Variants in NRXN1 observed in about 807,000 individuals in gnomAD.
NRXN1 encodes the protein neurexin 1.
NRXN1 carries 39 observed loss-of-function variants against 150.9 expected under a neutral mutation model. The observed-to-expected ratio is 0.26, with a 90% CI of 0.20 to 0.34. The LOEUF (loss-of-function observed/expected upper bound fraction) is 0.34, where lower values mean the gene tolerates loss of function less well. Ranked by LOEUF, NRXN1 falls within the 10% of genes least tolerant of loss-of-function variation. The probability of loss-of-function intolerance (pLI) is 1.00; values close to 1 mark genes in which losing one functional copy is unlikely to be tolerated. For missense variants in NRXN1, 1,815 were observed against 1,949.9 expected (o/e 0.93, Z 1.30); for synonymous variants, 924 against 757.0 (o/e 1.22, Z -3.62).
chr2:49,974,130 A>C (rs1269128644), intron 21 of NRXN1: 2 of 715,242 alleles, frequency 2.8e-6, no homozygotes, highest in Non-Finnish European at 5.2e-6. Flanking sequence ...GGAGATCAAG[A>C]TGATAAATTG....
At chr2:50,323,187 A>T (rs187273753) in intron 17 of NRXN1, among the ~76,000 whole-genome samples, 3 of 152,316 alleles carry the variant, frequency 2.0e-5, no homozygotes, top group South Asian at 2.1e-4. Flanking sequence ...ACATTATAAT[A>T]GTAGCTCTAA....
intron 17 of NRXN1, among the ~76,000 whole-genome samples, chr2:50,329,313 G>C (rs572823120): frequency 1.3e-5 from 2 of 151,736 alleles, no homozygotes; most frequent in Non-Finnish European, 2.9e-5. Flanking sequence ...ATGTTCAAAC[G>C]CAGTAGAAGT....
At chr2:50,100,483 G>C (rs1700840783) in intron 18 of NRXN1, among the ~76,000 whole-genome samples, 1 of 152,062 alleles carries the variant, frequency 6.6e-6, no homozygotes, top group Admixed American at 6.6e-5. Context: ...CTTTGAATGG[G>C]GTAATAATCT....
At chr2:50,074,341 T>G (rs1696741437) in intron 19 of NRXN1, among the ~76,000 whole-genome samples, 1 of 152,096 alleles carries the variant, frequency 6.6e-6, no homozygotes, top group Non-Finnish European at 1.5e-5. Context: ...CTTTCTTAAA[T>G]ATGTAAAATA....
chr2:50,854,256 T>C (rs916781938), intron 5 of NRXN1, among the ~76,000 whole-genome samples: 5 of 152,074 alleles, frequency 3.3e-5, no homozygotes, highest in African/African-American at 1.2e-4. Flanking sequence ...TTATCAGAAG[T>C]CAAAATGGTA....
chr2:50,500,566 A>G (rs924458571), intron 13 of NRXN1, among the ~76,000 whole-genome samples: 2 of 152,216 alleles, frequency 1.3e-5, no homozygotes, highest in African/African-American at 4.8e-5. Flanking sequence ...AGAAAAAATT[A>G]TAAGACTTCG....
chr2:50,635,552 C>A (rs1683113584), intron 5 of NRXN1, among the ~76,000 whole-genome samples: 1 of 152,114 alleles, frequency 6.6e-6, no homozygotes, highest in Non-Finnish European at 1.5e-5. Context: ...GGCAGGCCAG[C>A]AAGTCTGATG....
chr2:50,392,213 A>C (rs13388470), intron 17 of NRXN1, among the ~76,000 whole-genome samples: 3,762 of 152,252 alleles, frequency 0.025, 136 homozygotes, highest in African/African-American at 0.085. Context: ...GCAAAAATAC[A>C]CTAAAGGAGA....
At chr2:50,402,216 T>C (rs2082433594) in intron 17 of NRXN1, among the ~76,000 whole-genome samples, 1 of 152,128 alleles carries the variant, frequency 6.6e-6, no homozygotes, top group Admixed American at 6.5e-5. Flanking sequence ...TAACTGAGCC[T>C]TCATGTCTTT....
chr2:50,973,591 T>C (rs1438563839), intron 2 of NRXN1, among the ~76,000 whole-genome samples: 1 of 152,100 alleles, frequency 6.6e-6, no homozygotes, highest in South Asian at 2.1e-4. Context: ...AAGAGTTACA[T>C]ATAGAGTATA....
intron 21 of NRXN1, among the ~76,000 whole-genome samples, chr2:49,975,811 C>T (rs1573166770): frequency 6.6e-6 from 1 of 152,012 alleles, no homozygotes; most frequent in South Asian, 2.1e-4. Flanking sequence ...TGATAGTAAA[C>T]TGAGTAGATA....
At chr2:50,829,208 G>C (rs550247822) in intron 5 of NRXN1, among the ~76,000 whole-genome samples, 758 of 152,170 alleles carry the variant, frequency 5.0e-3, no homozygotes, top group Non-Finnish European at 7.5e-3. Flanking sequence ...TGGCATCAGA[G>C]GGAGACCGTG....
At chr2:49,981,436 A>G (rs2152508232) in intron 21 of NRXN1, among the ~76,000 whole-genome samples, 1 of 152,192 alleles carries the variant, frequency 6.6e-6, no homozygotes, top group Admixed American at 6.5e-5. Flanking sequence ...AAAAATGAAC[A>G]TAAAACCTTA....
chr2:50,736,218 C>T (rs1304651964), intron 5 of NRXN1, among the ~76,000 whole-genome samples: 1 of 152,124 alleles, frequency 6.6e-6, no homozygotes, highest in Non-Finnish European at 1.5e-5. Flanking sequence ...ACATAACATC[C>T]TTTTTTCCTT....
At position 50,501,037 on chromosome 2, in the gene NRXN1, C is replaced by G. The variant is rs577264025; in HGVS notation, c.2498-3323G>C. The stretch of plus-strand genomic sequence containing the variant: ...TAATTAAATCTATAATAACAAAACT[C>G]AGAGAAATGTTATGAATTTGATGAA... On this transcript the variant is annotated intron_variant, in intron 13 of 22. Transcript: ENST00000401669. 1.1e-4 allele frequency among the ~76,000 whole-genome samples: 16 copies of G among 152,182 alleles called. 1 individual carries two copies. Among genetic ancestry groups the G allele is most frequent in the Middle Eastern group, 3.4e-3 (1 of 294 alleles).
At chr2:50,187,624 G>C (rs1423448928) in intron 18 of NRXN1, among the ~76,000 whole-genome samples, 1 of 151,998 alleles carries the variant, frequency 6.6e-6, no homozygotes, top group Non-Finnish European at 1.5e-5. Flanking sequence ...TTCTAATTCT[G>C]TGAAGAAAGT....
chr2:50,377,580 TCC>T (rs2080611751), intron 17 of NRXN1, among the ~76,000 whole-genome samples: 2 of 152,160 alleles, frequency 1.3e-5, no homozygotes, highest in African/African-American at 4.8e-5. Flanking sequence ...CTAGTTGATC[TCC>T]AAAGTGCCCA....
Position 50,651,881 on chromosome 2 carries a change from C to G in NRXN1, c.833-28266G>C, listed in dbSNP as rs184041710. 6.0e-4 allele frequency among the ~76,000 whole-genome samples: 91 copies of G among 152,054 alleles called. 1 individual carries two copies. Among genetic ancestry groups the G allele is most frequent in the African/African-American group, 2.1e-3 (88 of 41,492 alleles). ...CAACAATAGTCTACCCAGAGTTGCA[C>G]TGAAAAAAACCACAACAATCCTAAC... is the stretch of plus-strand genomic sequence containing the variant. On this transcript the variant is annotated intron_variant, in intron 5 of 22. Coordinates refer to ENST00000401669, the MANE Select transcript of NRXN1 (RefSeq NM_001330078.2).
intron 8 of NRXN1, among the ~76,000 whole-genome samples, chr2:50,566,795 A>T (rs573169017): frequency 5.9e-5 from 9 of 152,242 alleles, no homozygotes; most frequent in African/African-American, 2.2e-4. Flanking sequence ...CACAGATGCG[A>T]TTCTAGTGCA....
Sources: gnomAD v4.1 joint callset for allele counts (sites outside exome capture counted in the v4.1 genomes callset) on GRCh38, gnomAD v4.1.1 for gene constraint, MANE v1.5 for transcripts, NCBI Gene and HGNC (gene_info 2026-07-23, HGNC 2026-07-21) for gene names.